The following ERCC5 variants were observed in gnomAD, a reference collection of about 807,000 sequenced individuals.
ERCC5 encodes the protein DNA excision repair protein ERCC-5.
In ERCC5, 68 loss-of-function variants were observed where a neutral mutation model predicts 105.6. That is an observed-to-expected ratio of 0.64 (90% confidence interval 0.53 to 0.79). The LOEUF (loss-of-function observed/expected upper bound fraction) is 0.79. Ranked by LOEUF, ERCC5 falls within the 30% of genes least tolerant of loss-of-function variation. The pLI, the probability that ERCC5 is intolerant of heterozygous loss-of-function variation, is 0.00. For synonymous variants in ERCC5, 546 were observed against 526.2 expected (o/e 1.04, Z -0.51); for missense variants, 1,373 against 1,426.7 (o/e 0.96, Z 0.61).
intron 8 of ERCC5, 73 bp downstream of exon 8, chr13:102,863,176 G>A (rs1306041118): frequency 5.3e-6 from 8 of 1,515,900 alleles, no homozygotes; most frequent in South Asian, 1.2e-5. Context: ...AGATCGGTTA[G>A]TGTAGTCCCG....
At chr13:102,864,367 C>A (rs1022481148) in intron 8 of ERCC5, among the ~76,000 whole-genome samples, 2 of 152,114 alleles carry the variant, frequency 1.3e-5, no homozygotes, top group Admixed American at 1.3e-4. Flanking sequence ...GATGGTTTTT[C>A]TAACTCCATC....
intron 7 of ERCC5, 48 bp from the exon 8 acceptor site, chr13:102,861,982 G>C (rs369808253): frequency 6.2e-7 from 1 of 1,606,388 alleles, no homozygotes; most frequent in South Asian, 1.1e-5. Flanking sequence ...GAAGCGTATT[G>C]TCACACTGTA....
chr13:102,849,599 AAGTT>A (rs775918214), intron 1 of ERCC5: 39 of 365,304 alleles, frequency 1.1e-4, no homozygotes, highest in East Asian at 1.0e-3. Context: ...ATGTTAGTAA[AAGTT>A]AGGCAGTGTA....
At chr13:102,846,912 CTTAG>C (rs1003423970) in intron 1 of ERCC5, among the ~76,000 whole-genome samples, 2 of 152,160 alleles carry the variant, frequency 1.3e-5, no homozygotes, top group African/African-American at 4.8e-5. Flanking sequence ...TCCTCTCTGC[CTTAG>C]TTCTCTCATC....
At chr13:102,849,150 A>G in intron 1 of ERCC5, 1 of 519,016 alleles carries the variant, frequency 1.9e-6, no homozygotes, top group Non-Finnish European at 3.8e-6. Flanking sequence ...ACATCGATCT[A>G]ATACAAGACA....
At chr13:102,871,347 A>G (rs760450087) in intron 12 of ERCC5, among the ~76,000 whole-genome samples, 5 of 152,350 alleles carry the variant, frequency 3.3e-5, no homozygotes, top group Non-Finnish European at 5.9e-5. Flanking sequence ...GGAGGGTCCA[A>G]GAGTGTGTCG....
chr13:102,866,977 T>A, intron 11 of ERCC5, 132 bp downstream of exon 11: 2 of 931,272 alleles, frequency 2.1e-6, no homozygotes, highest in Non-Finnish European at 3.2e-6. Flanking sequence ...TTTATATGAG[T>A]GATCTTTGGC....
intron 3 of ERCC5, 137 bp from the exon 4 acceptor site, chr13:102,854,151 C>G (rs1882311667): frequency 4.3e-6 from 4 of 930,800 alleles, no homozygotes; most frequent in Non-Finnish European, 5.1e-6. Flanking sequence ...AGGTGAGCAG[C>G]CCCGCCAAGG....
At chr13:102,857,795 A>T (rs985498217) in intron 5 of ERCC5, among the ~76,000 whole-genome samples, 1 of 152,186 alleles carries the variant, frequency 6.6e-6, no homozygotes, top group Non-Finnish European at 1.5e-5. Context: ...GATATCTTCC[A>T]AGTCCCTGCT....
Position 102,872,387 on chromosome 13 carries a change from CAAA to C in ERCC5, c.2870_2872del (p.Lys957del). The stretch of plus-strand genomic sequence containing the variant: ...TTCTGTGGGGGAAACCTGATCTCGA[CAAA>C]ATTAGAGAATATCCTTTGCTTCTTA... On this transcript the variant is annotated inframe_deletion, in exon 13 of 15. Coordinates refer to ENST00000652225, the MANE Select transcript of ERCC5 (RefSeq NM_000123.4). 1 of 1,614,126 alleles carries C rather than the reference CAAA, an allele frequency of 6.2e-7. No individual in the cohort carries two copies. Among genetic ancestry groups the C allele is most frequent in the Non-Finnish European group, 8.5e-7 (1 of 1,180,028 alleles).
At position 102,875,899 on chromosome 13, in the gene ERCC5, C is replaced by T; in HGVS notation, c.3557C>T (p.Thr1186Ile). ...LRRARGRKRK[T>I] Reference sequence around the variant, plus strand: ...CGTGCGAGGGGAAGAAAAAGGAAAACCTAATTAAAAAATATGTATCCTCTA... The same window carrying T: ...CGTGCGAGGGGAAGAAAAAGGAAAATCTAATTAAAAAATATGTATCCTCTA... Residue 1186 changes from threonine to isoleucine, a missense_variant, in exon 15 of 15, where the codon ACC becomes ATC. Around this residue, in one of 3 missense-constraint regions of ERCC5, gnomAD observed 367 missense variants for 350.2 expected, o/e 1.05. Transcript: ENST00000652225. The T allele has an allele frequency of 6.2e-7, 1 of 1,605,220 alleles. No individual in the cohort carries two copies. Among genetic ancestry groups the T allele is most frequent in the Non-Finnish European group, 8.5e-7 (1 of 1,179,782 alleles).
Position 102,858,535 on chromosome 13 carries a change from C to T in ERCC5, c.672+117C>T, listed in dbSNP as rs1882507866. The stretch of plus-strand genomic sequence containing the variant: ...ACACGATATCTCAGTTAACAGTAAA[C>T]AGCATTTCTACATCTCAGATTCTAA... On this transcript the variant is annotated intron_variant, in intron 6 of 14. Transcript: ENST00000652225. 5 of 1,415,468 alleles carry T rather than the reference C, an allele frequency of 3.5e-6. No individual in the cohort carries two copies. The East Asian group carries it at 9.4e-5, about 27-fold the overall frequency. The allele number at this position is 1,415,468 out of a possible 1,614,324, so 87.7% of individuals were successfully genotyped here.
At position 102,853,751 on chromosome 13, in the gene ERCC5, T is replaced by G. The variant is rs1215012233; in HGVS notation, c.265-6T>G. ...AAGTGAGATCTTACATCCTTTCTTC[T>G]CATAGGTGAAGAGAAGGCAGAGAAA... is the stretch of plus-strand genomic sequence containing the variant. On this transcript the variant is annotated splice_region_variant and splice_polypyrimidine_tract_variant and intron_variant, in intron 2 of 14. Transcript: ENST00000652225. 1 of 1,611,958 alleles carries G rather than the reference T, an allele frequency of 6.2e-7. No homozygotes were observed. The highest frequency in any genetic ancestry group is 8.5e-7 in the Non-Finnish European group (1 of 1,178,122).
intron 4 of ERCC5, among the ~76,000 whole-genome samples, chr13:102,855,074 C>T (rs1882361087): frequency 6.6e-6 from 1 of 152,172 alleles, no homozygotes; most frequent in Non-Finnish European, 1.5e-5. Flanking sequence ...GTCATTTTTT[C>T]TCCAGGTTAC....
At chr13:102,874,661 A>G (rs775176499) in intron 14 of ERCC5, 2 of 152,364 alleles carry the variant, frequency 1.3e-5, no homozygotes, top group African/African-American at 2.4e-5. Flanking sequence ...AGCTGGGACT[A>G]CAGGCGCCCG....
chr13:102,850,541 C>T (rs965618980), intron 1 of ERCC5, among the ~76,000 whole-genome samples: 3 of 151,928 alleles, frequency 2.0e-5, no homozygotes, highest in East Asian at 3.9e-4. Context: ...ACCAAAGATA[C>T]GTTGGTGAAA....
rs757997865 is a variant in ERCC5, at chr13:102,862,205, G to C, written c.1056G>C (p.Leu352=). The C allele has an allele frequency of 1.9e-6, 3 of 1,614,156 alleles. No homozygotes were observed. The South Asian group carries it at 3.3e-5, about 18-fold the overall frequency. Residue 352 remains leucine (L), a synonymous_variant, in exon 8 of 15, where the codon CTG becomes CTC. Transcript: ENST00000652225. ...PRTLLAMQAA[L]LGSSSEEELE... is the part of the protein sequence containing the mutation. Reference sequence around the variant, plus strand: ...CTTTACTAGCTATGCAAGCTGCCCTGCTGGGAAGTAGCTCAGAAGAGGAGC... The same window carrying C: ...CTTTACTAGCTATGCAAGCTGCCCTCCTGGGAAGTAGCTCAGAAGAGGAGC...
intron 6 of ERCC5, chr13:102,858,982 G>A (rs1424593749): frequency 4.4e-6 from 2 of 451,724 alleles, no homozygotes; most frequent in African/African-American, 4.0e-5. Context: ...TTCCTGGACA[G>A]TGCGAATGGG....
At position 102,875,369 on chromosome 13, in the gene ERCC5, T is replaced by G. The variant is rs1011633526; in HGVS notation, c.3027T>G (p.Arg1009=). The change falls in exon 15 of 15, where the codon CGT becomes CGG. Residue 1009 remains arginine (R), a synonymous_variant. Coordinates refer to ENST00000652225, the MANE Select transcript of ERCC5 (RefSeq NM_000123.4). ...AACAGGAGAAAGAAGATGCTAAACGTATTAAGAGCCAGAGACTAAACAGAG... is the reference window on the plus strand; with the variant it reads ...AACAGGAGAAAGAAGATGCTAAACGGATTAAGAGCCAGAGACTAAACAGAG... The part of the protein sequence containing the change: ...LAQQEKEDAK[R]IKSQRLNRAV... The G allele has an allele frequency of 3.7e-6, 6 of 1,613,802 alleles. No homozygotes were observed. The highest frequency in any genetic ancestry group is 3.4e-6 in the Non-Finnish European group (4 of 1,180,002).
Sources: allele counts gnomAD v4.1 joint callset (sites outside exome capture counted in the v4.1 genomes callset), GRCh38; gene constraint gnomAD v4.1.1; regional missense constraint gnomAD v4.1.1; transcripts MANE v1.5; gene names NCBI Gene and HGNC (gene_info 2026-07-23, HGNC 2026-07-21).